Variants in MYO9B observed in about 807,000 individuals in gnomAD.
MYO9B encodes myosin IXB.
A neutral mutation model predicts 229.5 loss-of-function variants in MYO9B; 71 were observed. That is an observed-to-expected ratio of 0.31 (90% CI 0.26 to 0.38). The LOEUF (loss-of-function observed/expected upper bound fraction) is 0.38. Among genes scored for constraint, MYO9B ranks in the 10% least tolerant of loss-of-function variants. The pLI is 1.00. For missense variants in MYO9B, 2,255 were observed against 2,920.5 expected, an observed-to-expected ratio of 0.77 and a Z score of 5.25; for synonymous variants, 1,185 against 1,235.8, an observed-to-expected ratio of 0.96 and a Z score of 0.86.
chr19:17,139,643 CGGGAGGA>C (rs1234326044), intron 2 of MYO9B, among the ~76,000 whole-genome samples: 2 of 151,508 alleles, frequency 1.3e-5, no homozygotes, highest in Non-Finnish European at 2.9e-5. Context: ...GAGCTTGAGG[CGGGAGGA>C]TCACCTTGAG....
In MYO9B at chr19:17,212,333, C is replaced by T; in HGVS notation, c.*23C>T. 1 of 1,457,686 alleles carries T rather than the reference C, an allele frequency of 6.9e-7. No homozygotes were observed. Among genetic ancestry groups the T allele is most frequent in the Non-Finnish European group, 9.0e-7 (1 of 1,112,170 alleles). The allele number at this position is 1,457,686 out of a possible 1,614,324, so 90.3% of individuals were successfully genotyped here. On this transcript the variant is annotated 3_prime_UTR_variant, in exon 40 of 40. Coordinates refer to ENST00000682292, the MANE Select transcript of MYO9B (RefSeq NM_004145.4). This position sits in a 1 kb window ranked among gnomAD's most constrained non-coding sequence, Gnocchi z 5.4. ...TGAGAGCCACAGCTGACAAAGTCTG[C>T]ATGTCCGAGGACGGCCCCTGCACTG...
At chr19:17,125,330 C>T (rs1192872120) in intron 2 of MYO9B, among the ~76,000 whole-genome samples, 2 of 141,360 alleles carry the variant, frequency 1.4e-5, no homozygotes, top group African/African-American at 5.3e-5. Flanking sequence ...TAAGATGAGC[C>T]CTAGGGGAAA....
Position 17,139,667 on chromosome 19 carries a change from A to G in MYO9B, c.841-5730A>G, listed in dbSNP as rs542670217. On this transcript the variant is annotated intron_variant, in intron 2 of 39. Coordinates refer to ENST00000682292, the MANE Select transcript of MYO9B (RefSeq NM_004145.4). ...GCGGGAGGATCACCTTGAGCTCTGG[A>G]GGTTGAGGCTGCAGTGAGCCATGAT... 3.2e-4 allele frequency among the ~76,000 whole-genome samples: 48 copies of G among 152,094 alleles called. No individual in the cohort carries two copies. In the South Asian group the frequency reaches 1.0e-2, roughly 32 times the overall value.
rs1484243348 is a variant in MYO9B, at chr19:17,154,336, G to A, written c.1120G>A (p.Gly374Arg). 6.2e-7 allele frequency: 1 copy of A among 1,612,756 alleles called. No homozygotes were observed. The highest frequency in any genetic ancestry group is 1.7e-5 in the Admixed American group (1 of 59,882). Residue 374 changes from glycine to arginine, a missense_variant, in exon 6 of 40, where the codon GGG becomes AGG. Transcript: ENST00000682292. ...LNQHNLKIED[G>R]EDLKHDFERL... Reference sequence around the variant, plus strand: ...CCAGCATAACTTGAAGATTGAAGATGGGGAGGACCTGAAGCATGACTTTGA... The same window carrying A: ...CCAGCATAACTTGAAGATTGAAGATAGGGAGGACCTGAAGCATGACTTTGA...
Position 17,194,624 on chromosome 19 carries a change from G to A in MYO9B, c.3197G>A (p.Arg1066Lys), listed in dbSNP as rs766072814. The change falls in exon 22 of 40, where the codon AGA becomes AAA. Residue 1066 changes from arginine to lysine, a missense_variant. Physicochemically the swap from Arg to Lys is conservative, Grantham distance 26. Transcript: ENST00000682292. ...EKEREALEAARAGAEEGGQGQ... is the reference protein window; with the variant it reads ...EKEREALEAAKAGAEEGGQGQ... ...GAGAGGGAAGCCCTGGAAGCCGCAA[G>A]AGCAGGTGCTGAGGAGGGCGGACAG... 35 of 1,612,834 alleles carry A rather than the reference G, an allele frequency of 2.2e-5. No individual in the cohort carries two copies. The highest frequency in any genetic ancestry group is 2.8e-5 in the Non-Finnish European group (33 of 1,179,886).
At chr19:17,155,961 C>G (rs1377352578) in intron 6 of MYO9B, among the ~76,000 whole-genome samples, 1 of 150,430 alleles carries the variant, frequency 6.6e-6, no homozygotes, top group Non-Finnish European at 1.5e-5. Context: ...CAGAGGCTGC[C>G]GTGAGCCGAG....
intron 1 of MYO9B, among the ~76,000 whole-genome samples, chr19:17,094,193 G>A (rs987154810): frequency 2.6e-5 from 4 of 152,092 alleles, no homozygotes; most frequent in African/African-American, 7.2e-5. Context: ...GCGCCACCAT[G>A]CCTGGCTAAT....
intron 1 of MYO9B, among the ~76,000 whole-genome samples, chr19:17,076,295 TGGG>T (rs2123403106): frequency 6.6e-6 from 1 of 151,368 alleles, no homozygotes; most frequent in East Asian, 2.0e-4. Context: ...GAGACCGATC[TGGG>T]GACGTCTGCC....
intron 37 of MYO9B, 110 bp from the exon 38 acceptor site, chr19:17,210,605 G>A (rs1472784597): frequency 1.6e-5 from 22 of 1,367,944 alleles, no homozygotes; most frequent in East Asian, 5.1e-5. Context: ...GTCTCACTAA[G>A]AGCCCAGCAC....
chr19:17,206,220 C>A, intron 32 of MYO9B, 28 bp from the exon 33 acceptor site: 1 of 1,579,918 alleles, frequency 6.3e-7, no homozygotes, highest in South Asian at 1.2e-5. Context: ...GTGCGCCGCT[C>A]ACCAGACCCA....
At chr19:17,124,368 T>C (rs925019861) in intron 2 of MYO9B, among the ~76,000 whole-genome samples, 3 of 152,018 alleles carry the variant, frequency 2.0e-5, no homozygotes, top group Non-Finnish European at 2.9e-5. Flanking sequence ...AGAGAAAGCA[T>C]TTAGAACTTC....
rs143402411 is a variant in MYO9B, at chr19:17,145,048, C to T, written c.841-349C>T. 5.3e-5 allele frequency among the ~76,000 whole-genome samples: 8 copies of T among 151,154 alleles called. No homozygotes were observed. In the East Asian group the frequency reaches 1.2e-3, roughly 22 times the overall value. ...ACTCATGCACTTTGGGAGGCTGAGG[C>T]GGGCAGATTGCCTGAACTCAGGAGT... On this transcript the variant is annotated intron_variant, in intron 2 of 39. Coordinates refer to ENST00000682292, the MANE Select transcript of MYO9B (RefSeq NM_004145.4).
rs74513944 is a variant in MYO9B at position 17,135,276 on chromosome 19, A to G, written c.841-10121A>G. Among the ~76,000 whole-genome samples the G allele has an allele frequency of 3.3e-5, 5 of 151,098 alleles. 1 individual carries two copies. In the South Asian group the frequency reaches 8.3e-4, roughly 25 times the overall value. On this transcript the variant is annotated intron_variant, in intron 2 of 39. Coordinates refer to ENST00000682292, the MANE Select transcript of MYO9B (RefSeq NM_004145.4). ...TTTTTATATTATAAAAGAAAAAAAA[A>G]TGTGTTTCTGTTAAAGGAGAGGCGT...
At chr19:17,206,225 G>GGGGGCCCCCCCCCC in intron 32 of MYO9B, 23 bp from the exon 33 acceptor site, 22 of 1,564,608 alleles carry the variant, frequency 1.4e-5, no homozygotes, top group Non-Finnish European at 1.8e-5. Context: ...CCGCTCACCA[G>GGGGGCCCCCCCCCC]ACCCACCCCA....
rs762171057 is a variant in MYO9B at position 17,203,202 on chromosome 19, C to T, written c.4934C>T (p.Ser1645Leu). The change falls in exon 30 of 40, where the codon TCG (serine) becomes TTG (leucine). Residue 1645 changes from serine (S) to leucine (L), a missense_variant. Coordinates refer to ENST00000682292, the MANE Select transcript of MYO9B (RefSeq NM_004145.4). The part of the protein sequence containing the change: ...FASYQVSIPQ[S>L]CEQCLSYIWL... ...AGCTACCAGGTTAGCATCCCGCAGT[C>T]GTGCGAGCAGTGCCTCTCCTATATC... The T allele has an allele frequency of 5.7e-6, 9 of 1,575,748 alleles. No individual in the cohort carries two copies. Among genetic ancestry groups the T allele is most frequent in the South Asian group, 4.7e-5 (4 of 85,674 alleles).
At chr19:17,167,749 G>A (rs1307453983) in intron 10 of MYO9B, among the ~76,000 whole-genome samples, 194 bp from the exon 11 acceptor site, 1 of 152,104 alleles carries the variant, frequency 6.6e-6, no homozygotes, top group East Asian at 1.9e-4. Flanking sequence ...AAAGTGCTGG[G>A]ATTACAGGCG....
At chr19:17,202,997 G>T (rs1176430715) in intron 29 of MYO9B, 114 bp downstream of exon 29, 1 of 1,384,948 alleles carries the variant, frequency 7.2e-7, no homozygotes, top group South Asian at 1.3e-5. Context: ...ATGTGTGCGT[G>T]GACACGTGTG....
At chr19:17,116,433 G>A (rs1220793000) in intron 2 of MYO9B, among the ~76,000 whole-genome samples, 1 of 152,192 alleles carries the variant, frequency 6.6e-6, no homozygotes, top group Admixed American at 6.5e-5. Flanking sequence ...AGGGTGTACT[G>A]GAGCTTGCAG....
intron 1 of MYO9B, among the ~76,000 whole-genome samples, chr19:17,097,319 T>A: frequency 6.9e-6 from 1 of 144,360 alleles, no homozygotes. Context: ...AGACTCCATT[T>A]CAAAAAAATT....
Sources: gnomAD v4.1 joint callset for allele counts (sites outside exome capture counted in the v4.1 genomes callset) on GRCh38, gnomAD v4.1.1 for gene constraint, Gnocchi (gnomAD v3.1) non-coding constraint, MANE v1.5 for transcripts, NCBI Gene and HGNC (gene_info 2026-07-23, HGNC 2026-07-21) for gene names.